The following MAX variants were observed in gnomAD, a reference collection of about 807,000 sequenced individuals.
MAX encodes the protein MYC associated transcriptional regulator X.
MAX carries 3 observed loss-of-function variants against 22.3 expected under a neutral mutation model. That is an observed-to-expected ratio of 0.13 (90% confidence interval 0.06 to 0.35). The LOEUF is 0.35. Ranked by LOEUF, MAX falls within the 10% of genes least tolerant of loss-of-function variation. The pLI is 1.00. For synonymous variants in MAX, 72 were observed against 77.7 expected, an observed-to-expected ratio of 0.93 and a Z score of 0.39; for missense variants, 119 against 209.4, an observed-to-expected ratio of 0.57 and a Z score of 2.66.
At chr14:65,086,814 G>A (rs568912599) in intron 3 of MAX, among the ~76,000 whole-genome samples, 7 of 152,344 alleles carry the variant, frequency 4.6e-5, no homozygotes, top group African/African-American at 1.7e-4. Flanking sequence ...ATGAGAAGCC[G>A]AATGTTAATC....
intron 3 of MAX, chr14:65,040,658 T>A: frequency 2.4e-6 from 2 of 842,210 alleles, no homozygotes; most frequent in Non-Finnish European, 3.2e-6. Context: ...TTAGTTGGCA[T>A]CTTTTCATTC....
intron 3 of MAX, among the ~76,000 whole-genome samples, chr14:65,059,197 A>G (rs1318135344): frequency 6.6e-6 from 1 of 151,956 alleles, no homozygotes; most frequent in Non-Finnish European, 1.5e-5. Flanking sequence ...TAATTTTTAA[A>G]TTTTTTGTAG....
intron 3 of MAX, among the ~76,000 whole-genome samples, chr14:65,050,462 G>T (rs2062581650): frequency 6.6e-6 from 1 of 152,114 alleles, no homozygotes; most frequent in Non-Finnish European, 1.5e-5. Flanking sequence ...GTGGGGGCTT[G>T]TACCTGTAAT....
chr14:65,077,505 A>G lies in MAX; in HGVS notation c.295+408T>C, dbSNP rs369327361. ...GCCCATAGGCTGCCCTGATTGGACT[A>G]CCATTGACAATGGGGAGGGCTCACT... On this transcript the variant is annotated intron_variant, in intron 4 of 4. Coordinates refer to ENST00000358664, the MANE Select transcript of MAX (RefSeq NM_002382.5). This position sits in a 1 kb window ranked among gnomAD's most constrained non-coding sequence, Gnocchi z 6.3. The G allele has an allele frequency of 1.2e-5, 12 of 1,031,346 alleles. No individual in the cohort carries two copies. The East Asian group carries it at 2.4e-4, about 20-fold the overall frequency. 63.9% of individuals were successfully genotyped at this position (1,031,346 alleles called of 1,614,324 possible). A position where few individuals can be genotyped will look rare whatever the true frequency, so the allele number is the denominator to read the frequency against.
intron 3 of MAX, among the ~76,000 whole-genome samples, chr14:65,091,276 T>G (rs966459884): frequency 6.6e-6 from 1 of 152,250 alleles, no homozygotes; most frequent in African/African-American, 2.4e-5. Context: ...TCTGTTCGAC[T>G]CACGGCACCT....
chr14:65,043,269 G>C (rs2062392161), intron 3 of MAX, among the ~76,000 whole-genome samples: 1 of 152,210 alleles, frequency 6.6e-6, no homozygotes, highest in African/African-American at 2.4e-5. Flanking sequence ...TTGTAGTAGA[G>C]TGTGTTTAGA....
At position 65,076,770 on chromosome 14, in the gene MAX, C is replaced by G; in HGVS notation, c.296-107G>C. On this transcript the variant is annotated intron_variant, in intron 4 of 4. Transcript: ENST00000358664. The surrounding 1 kb of genome is among the most constrained non-coding windows in gnomAD (Gnocchi z 6.6). ...TTCTTCCTAAGGGCTTGCTTGTTGG[C>G]CCCCGAGGCTCAAGATGCTCAGAAG... 2 of 1,349,690 alleles carry G rather than the reference C, an allele frequency of 1.5e-6. No individual in the cohort carries two copies. The highest frequency in any genetic ancestry group is 2.1e-6 in the Non-Finnish European group (2 of 943,792). 83.6% of individuals were successfully genotyped at this position (1,349,690 alleles called of 1,614,324 possible).
intron 2 of MAX, chr14:65,094,113 G>C: frequency 2.5e-6 from 1 of 398,624 alleles, no homozygotes; most frequent in South Asian, 2.2e-5. Context: ...TAACATCAGT[G>C]GTCCCCCCCA....
chr14:65,035,501 TCTTC>T (rs1472829695), intron 3 of MAX, among the ~76,000 whole-genome samples: 4 of 152,136 alleles, frequency 2.6e-5, no homozygotes, highest in Non-Finnish European at 5.9e-5. Flanking sequence ...TTTCCTCTTC[TCTTC>T]CTTCTTTCTT....
At position 65,076,228 on chromosome 14, in the gene MAX, T is replaced by A. The variant is rs559154342; in HGVS notation, c.*248A>T. The A allele has an allele frequency of 4.8e-4, 683 of 1,423,568 alleles. 9 individuals carry two copies. In the East Asian group the frequency reaches 0.017, roughly 36 times the overall value. 88.2% of individuals were successfully genotyped at this position (1,423,568 alleles called of 1,614,324 possible). ...GCTGCCAAGTTGGGGTGTTTTGGTT[T>A]AAAAATTCCTGTTGGGGACAGGGAA... On this transcript the variant is annotated 3_prime_UTR_variant, in exon 5 of 5. Coordinates refer to ENST00000358664, the MANE Select transcript of MAX (RefSeq NM_002382.5). This position sits in a 1 kb window ranked among gnomAD's most constrained non-coding sequence, Gnocchi z 6.6.
chr14:65,041,679 T>C lies in MAX; in HGVS notation c.172-35395A>G, dbSNP rs143942218. 4.6e-5 allele frequency among the ~76,000 whole-genome samples: 7 copies of C among 152,328 alleles called. No homozygotes were observed. In the East Asian group the frequency reaches 1.3e-3, roughly 29 times the overall value. On this transcript the variant is annotated intron_variant, in intron 3 of 3. Transcript: ENST00000341653. ...TTCCTGGAGAGTTTCTGTTGTACCCTGTAGACATGTAACCAGCAGTGTCTT... is the reference window on the plus strand; with the variant it reads ...TTCCTGGAGAGTTTCTGTTGTACCCCGTAGACATGTAACCAGCAGTGTCTT...
At chr14:65,086,345 G>A (rs758390383) in intron 3 of MAX, among the ~76,000 whole-genome samples, 1 of 152,206 alleles carries the variant, frequency 6.6e-6, no homozygotes, top group East Asian at 1.9e-4. Context: ...ACAGGCAGAG[G>A]TTGGAACAAT....
rs539376258 is a variant in MAX, at chr14:65,014,028, C to T, written c.172-7744G>A. 6.6e-6 allele frequency among the ~76,000 whole-genome samples: 1 copy of T among 152,336 alleles called. No homozygotes were observed. Among genetic ancestry groups the T allele is most frequent in the African/African-American group, 2.4e-5 (1 of 41,572 alleles). On this transcript the variant is annotated intron_variant, in intron 3 of 3. Transcript: ENST00000341653. This position sits in a 1 kb window ranked among gnomAD's most constrained non-coding sequence, Gnocchi z 5.1. ...GCAGTGTCTTCAGTAGCTCACCAGC[C>T]TACCTTCCAGGTGGTGGGTTAGCCA...
At chr14:65,101,266 G>T (rs1287613035) in intron 2 of MAX, among the ~76,000 whole-genome samples, 1 of 152,112 alleles carries the variant, frequency 6.6e-6, no homozygotes, top group African/African-American at 2.4e-5. Context: ...CTTACATAGT[G>T]GCATCTGGAT....
At chr14:65,060,084 C>A (rs866409960) in intron 3 of MAX, among the ~76,000 whole-genome samples, 1 of 151,648 alleles carries the variant, frequency 6.6e-6, no homozygotes, top group African/African-American at 2.4e-5. Context: ...CCATCCACCT[C>A]GGCCTCCCAA....
At chr14:65,022,722 T>G (rs2061911864) in intron 3 of MAX, among the ~76,000 whole-genome samples, 2 of 152,154 alleles carry the variant, frequency 1.3e-5, no homozygotes, top group Non-Finnish European at 2.9e-5. Flanking sequence ...TGAATTCCCT[T>G]TGAGGTGGAA....
chr14:65,053,302 G>A (rs372836068), intron 3 of MAX: 180 of 1,463,458 alleles, frequency 1.2e-4, no homozygotes, highest in Non-Finnish European at 1.6e-4. Context: ...AGTACATCCT[G>A]ATGTGCTGCC....
rs1335177905 is a variant in MAX at position 65,047,157 on chromosome 14, G to A, written c.172-40873C>T. Among the ~76,000 whole-genome samples, 4 of 152,316 alleles carry A rather than the reference G, an allele frequency of 2.6e-5. No homozygotes were observed. The highest frequency in any genetic ancestry group is 4.1e-4 in the South Asian group (2 of 4,830). On this transcript the variant is annotated intron_variant, in intron 3 of 3. Coordinates refer to the MAX transcript ENST00000341653. This position sits in a 1 kb window ranked among gnomAD's most constrained non-coding sequence, Gnocchi z 5.2. ...TACAACTGCCACTACTACTGGTAGC[G>A]GAGTCTTCCCAAGCCCTCACTGTAT...
rs34459085 is a variant in MAX, at chr14:65,059,837, C to CTTT, written c.171+33868_171+33870dup. Among the ~76,000 whole-genome samples, 579 of 134,212 alleles carry CTTT rather than the reference C, an allele frequency of 4.3e-3. 10 individuals carry two copies. Among genetic ancestry groups the CTTT allele is most frequent in the Middle Eastern group, 0.019 (5 of 262 alleles). The allele number at this position is 134,212 out of a possible 152,430, so 88.0% of individuals were successfully genotyped here. ...CATATTAGGGTTGTGGTCCTTTTTTCTTTTTTTTTTTTTTTTGAGACAGAG... is the reference window on the plus strand; with the variant it reads ...CATATTAGGGTTGTGGTCCTTTTTTCTTTTTTTTTTTTTTTTTTTGAGACAGAG... On this transcript the variant is annotated intron_variant, in intron 3 of 3. Coordinates refer to the MAX transcript ENST00000341653.
Sources: allele counts gnomAD v4.1 joint callset (sites outside exome capture counted in the v4.1 genomes callset), GRCh38; gene constraint gnomAD v4.1.1; non-coding constraint Gnocchi (gnomAD v3.1); transcripts MANE v1.5; gene names NCBI Gene and HGNC (gene_info 2026-07-23, HGNC 2026-07-21).